Variants in DOCK8 observed in about 807,000 individuals in gnomAD.
DOCK8 encodes dedicator of cytokinesis 8.
Under a neutral mutation model 245.6 loss-of-function variants are expected in DOCK8, and 141 were observed. The ratio of observed to expected loss-of-function variants is 0.57; its 90% CI spans 0.50 to 0.66. The LOEUF (loss-of-function observed/expected upper bound fraction) is 0.66. DOCK8 is among the 30% of genes least tolerant of loss of function. The pLI, the probability that DOCK8 is intolerant of heterozygous loss-of-function variation, is 0.00. For synonymous variants in DOCK8, 1,168 were observed against 970.2 expected (o/e 1.20, Z -3.79); for missense variants, 2,965 against 2,603.4 (o/e 1.14, Z -3.02).
chr9:284,353 G>T (rs1484488806), intron 2 of DOCK8: 1 of 152,192 alleles, frequency 6.6e-6, no homozygotes, highest in African/African-American at 2.4e-5. Context: ...GCCCCTCATG[G>T]TTCCTGTTGT....
At chr9:444,045 G>A (rs4741932) in intron 43 of DOCK8, among the ~76,000 whole-genome samples, 107,318 of 151,992 alleles carry the variant, frequency 0.71, 38,975 homozygotes, top group East Asian at 0.99. Flanking sequence ...ATCCAAGTCC[G>A]GGATCACTGT....
chr9:398,562 A>G (rs915448688), intron 25 of DOCK8, among the ~76,000 whole-genome samples: 4 of 152,192 alleles, frequency 2.6e-5, no homozygotes, highest in African/African-American at 9.7e-5. Context: ...AAATTTTAAA[A>G]ATAGGCGTAG....
intron 14 of DOCK8, among the ~76,000 whole-genome samples, chr9:365,298 G>C (rs906033497): frequency 6.6e-6 from 1 of 152,190 alleles, no homozygotes; most frequent in Non-Finnish European, 1.5e-5. Context: ...TGGAGAGACA[G>C]GGACAAGGTA....
At chr9:282,774 G>T (rs2048646165) in intron 2 of DOCK8, among the ~76,000 whole-genome samples, 1 of 152,210 alleles carries the variant, frequency 6.6e-6, no homozygotes, top group South Asian at 2.1e-4. Flanking sequence ...TCTCACTGAT[G>T]ATTGCACACA....
chr9:217,304 G>A (rs2046778318), intron 1 of DOCK8, among the ~76,000 whole-genome samples: 1 of 152,200 alleles, frequency 6.6e-6, no homozygotes, highest in African/African-American at 2.4e-5. Context: ...AGAAAGGTAG[G>A]AAGGAAAGCT....
intron 40 of DOCK8, 43 bp downstream of exon 40, chr9:439,431 C>G (rs766330322): frequency 6.1e-5 from 98 of 1,607,476 alleles, no homozygotes; most frequent in Non-Finnish European, 8.3e-5. Flanking sequence ...CTCCCATACT[C>G]CAGCTGGACT....
rs2131299640 is a variant in DOCK8, at chr9:382,770, A to G, written c.2778+85A>G. 4.6e-6 allele frequency: 7 copies of G among 1,521,232 alleles called. No individual in the cohort carries two copies. In the East Asian group the frequency reaches 1.7e-4, roughly 36 times the overall value. The allele number at this position is 1,521,232 out of a possible 1,614,324, so 94.2% of individuals were successfully genotyped here. A position where few individuals can be genotyped will look rare whatever the true frequency, so the allele number is the denominator to read the frequency against. On this transcript the variant is annotated intron_variant, in intron 22 of 47. Coordinates refer to ENST00000432829, the MANE Select transcript of DOCK8 (RefSeq NM_203447.4). ...TTGGAGAAGTAACACAGAAGCAACCACTACTGCTGCCCACCATGCTGGTCG... is the reference window on the plus strand; with the variant it reads ...TTGGAGAAGTAACACAGAAGCAACCGCTACTGCTGCCCACCATGCTGGTCG...
chr9:377,022 A>C lies in DOCK8; in HGVS notation c.2251A>C (p.Ser751Arg). Residue 751 changes from serine (S) to arginine (R), a missense_variant, in exon 20 of 48, where the codon AGC becomes CGC. By Grantham distance (110) the Ser-to-Arg change is moderately radical (BLOSUM62 -1). Coordinates refer to ENST00000432829, the MANE Select transcript of DOCK8 (RefSeq NM_203447.4). ...KFFTLCHSLE[S>R]QVTFPIRVLD... ...CTTCACCCTCTGCCACTCCCTGGAG[A>C]GCCAGGTGACCTTCCCCATCCGCGT... 2.5e-6 allele frequency: 4 copies of C among 1,614,046 alleles called. No individual in the cohort carries two copies. The highest frequency in any genetic ancestry group is 3.4e-6 in the Non-Finnish European group (4 of 1,180,008).
rs770748316 is a variant in DOCK8 at position 339,081 on chromosome 9, C to G, written c.1498C>G (p.Arg500Gly). 6.2e-7 allele frequency: 1 copy of G among 1,614,032 alleles called. No individual in the cohort carries two copies. Among genetic ancestry groups the G allele is most frequent in the East Asian group, 2.2e-5 (1 of 44,848 alleles). ...CAAAAGATCATCATCCTTACAGAGA[C>G]GAGTCAAGTCAATTCCAGGTGTGAA... ...DYKRSSSLQR[R>G]VKSIPGLLRL... The change falls in exon 13 of 48, where the codon CGA (arginine) becomes GGA (glycine). Residue 500 changes from arginine (R) to glycine (G), a missense_variant. By Grantham distance (125) the Arg-to-Gly change is moderately radical. Coordinates refer to ENST00000432829, the MANE Select transcript of DOCK8 (RefSeq NM_203447.4).
At chr9:225,053 T>C (rs2046962140) in intron 1 of DOCK8, among the ~76,000 whole-genome samples, 1 of 152,210 alleles carries the variant, frequency 6.6e-6, no homozygotes, top group African/African-American at 2.4e-5. Context: ...CCTTATTCTC[T>C]GTCCAATAAT....
At chr9:251,737 G>T (rs1313034049) in intron 1 of DOCK8, among the ~76,000 whole-genome samples, 1 of 152,114 alleles carries the variant, frequency 6.6e-6, no homozygotes, top group East Asian at 1.9e-4. Context: ...TAGAGTTGTT[G>T]TGAGGACTAC....
intron 7 of DOCK8, among the ~76,000 whole-genome samples, chr9:323,738 C>T (rs2050628862): frequency 2.6e-5 from 4 of 152,166 alleles, no homozygotes; most frequent in South Asian, 4.1e-4. Context: ...CTCTAGGTGC[C>T]TCATGTAAGG....
intron 29 of DOCK8, 45 bp from the exon 30 acceptor site, chr9:418,023 A>G: frequency 6.2e-7 from 1 of 1,613,326 alleles, no homozygotes; most frequent in Non-Finnish European, 8.5e-7. Flanking sequence ...GACATGGGGA[A>G]ATGTCATGTT....
chr9:378,952 C>G lies in DOCK8; in HGVS notation c.2441-819C>G, dbSNP rs150980973. ...AACTCAGTTTCACTTGAGCCCTGTA[C>G]TGTGTGGAGTCAGACGGCTTCATGG... On this transcript the variant is annotated intron_variant, in intron 20 of 47. Transcript: ENST00000432829. Among the ~76,000 whole-genome samples, 18 of 152,260 alleles carry G rather than the reference C, an allele frequency of 1.2e-4. 1 individual carries two copies. The East Asian group carries it at 3.5e-3, about 29-fold the overall frequency.
intron 2 of DOCK8, among the ~76,000 whole-genome samples, chr9:273,733 G>A (rs1289593551): frequency 1.3e-5 from 2 of 151,236 alleles, no homozygotes; most frequent in East Asian, 1.9e-4. Context: ...TGTCACGCAG[G>A]CTGGAGTGCA....
intron 28 of DOCK8, 34 bp from the exon 29 acceptor site, chr9:414,748 C>G (rs1281644399): frequency 4.3e-6 from 7 of 1,613,816 alleles, no homozygotes; most frequent in South Asian, 1.1e-5. Flanking sequence ...TTTCCTTTCA[C>G]CATAACCTCT....
rs1293813568 is a variant in DOCK8 at position 464,447 on chromosome 9, C to G, written c.*228C>G. 3.3e-6 allele frequency: 2 copies of G among 607,964 alleles called. No individual in the cohort carries two copies. Among genetic ancestry groups the G allele is most frequent in the African/African-American group, 1.8e-5 (1 of 54,098 alleles). The allele number at this position is 607,964 out of a possible 1,614,324, so 37.7% of individuals were successfully genotyped here. On this transcript the variant is annotated 3_prime_UTR_variant, in exon 48 of 48. Coordinates refer to ENST00000432829, the MANE Select transcript of DOCK8 (RefSeq NM_203447.4). ...GCGGGATGGAGGATGGGTACTCAGG[C>G]ATGACTGCGTATTTATTAAAGTGTG...
intron 14 of DOCK8, among the ~76,000 whole-genome samples, chr9:351,422 C>T (rs756908081): frequency 6.6e-6 from 1 of 152,216 alleles, no homozygotes; most frequent in Non-Finnish European, 1.5e-5. Context: ...ACTCACCAAT[C>T]ACCAAGGCTA....
chr9:443,352 A>T, intron 42 of DOCK8, 75 bp from the exon 43 acceptor site: 1 of 1,427,154 alleles, frequency 7.0e-7, no homozygotes, highest in Non-Finnish European at 9.9e-7. Context: ...CTCCAAACTT[A>T]TTTCACTTCC....
Sources: gnomAD v4.1 joint callset for allele counts (sites outside exome capture counted in the v4.1 genomes callset) on GRCh38, gnomAD v4.1.1 for gene constraint, MANE v1.5 for transcripts, NCBI Gene and HGNC (gene_info 2026-07-23, HGNC 2026-07-21) for gene names.